Variants in SRRM4 observed in about 807,000 individuals in gnomAD.
SRRM4 encodes serine/arginine repetitive matrix 4, also known as serine/arginine repetitive matrix protein 4.
Under a neutral mutation model 68.9 loss-of-function variants are expected in SRRM4, and 33 were observed. That is an observed-to-expected ratio of 0.48 (90% CI 0.36 to 0.64). The LOEUF is 0.64. Among genes scored for constraint, SRRM4 ranks in the 30% least tolerant of loss-of-function variants. The pLI, the probability that SRRM4 is intolerant of heterozygous loss-of-function variation, is 0.00. For missense variants in SRRM4, 817 were observed against 827.1 expected, an observed-to-expected ratio of 0.99 and a Z score of 0.15; for synonymous variants, 318 against 318.8, an observed-to-expected ratio of 1.00 and a Z score of 0.03.
chr12:119,118,273 T>C (rs59156247), intron 4 of SRRM4, among the ~76,000 whole-genome samples: 2,537 of 152,354 alleles, frequency 0.017, 71 homozygotes, highest in African/African-American at 0.058. Flanking sequence ...GAGTGATTTA[T>C]ATATTACTTT....
intron 1 of SRRM4, among the ~76,000 whole-genome samples, chr12:119,046,023 C>A (rs1053434073): frequency 2.0e-5 from 3 of 151,658 alleles, no homozygotes; most frequent in Non-Finnish European, 2.9e-5. Flanking sequence ...GGCGACAGAG[C>A]GAGATTCCAT....
At chr12:119,039,447 T>C (rs1444812419) in intron 1 of SRRM4, among the ~76,000 whole-genome samples, 2 of 151,186 alleles carry the variant, frequency 1.3e-5, no homozygotes, top group Non-Finnish European at 2.9e-5. Context: ...TTCACATTTT[T>C]CCACTAGCAT....
At position 119,023,859 on chromosome 12, in the gene SRRM4, T is replaced by A. The variant is rs1188794130; in HGVS notation, c.131+41846T>A. On this transcript the variant is annotated intron_variant, in intron 1 of 12. Coordinates refer to ENST00000267260, the MANE Select transcript of SRRM4 (RefSeq NM_194286.4). ...GGTGCTCAATACGTATTCCAATAGATAAATACTGTTCCTCAGCCAAATATT... is the reference window on the plus strand; with the variant it reads ...GGTGCTCAATACGTATTCCAATAGAAAAATACTGTTCCTCAGCCAAATATT... Among the ~76,000 whole-genome samples, 3 of 152,150 alleles carry A rather than the reference T, an allele frequency of 2.0e-5. No individual in the cohort carries two copies. The East Asian group carries it at 5.8e-4, about 29-fold the overall frequency.
chr12:119,038,962 C>T (rs1953647550), intron 1 of SRRM4, among the ~76,000 whole-genome samples: 1 of 152,226 alleles, frequency 6.6e-6, no homozygotes, highest in African/African-American at 2.4e-5. Context: ...GGAACACCAC[C>T]TACTAAGAGC....
At chr12:119,091,575 G>T (rs545971275) in intron 1 of SRRM4, among the ~76,000 whole-genome samples, 1 of 152,174 alleles carries the variant, frequency 6.6e-6, no homozygotes, top group Non-Finnish European at 1.5e-5. Context: ...ACCACCATGT[G>T]CCAGATACTA....
intron 1 of SRRM4, among the ~76,000 whole-genome samples, chr12:118,982,716 T>G: frequency 6.7e-6 from 1 of 148,610 alleles, no homozygotes. Context: ...TCTGATTGCT[T>G]TGAACTCAGG....
intron 1 of SRRM4, among the ~76,000 whole-genome samples, chr12:119,098,196 C>A (rs1185220139): frequency 6.6e-6 from 1 of 152,302 alleles, no homozygotes; most frequent in East Asian, 1.9e-4. Flanking sequence ...CACCAGCTTG[C>A]CAGCCATATG....
At chr12:119,025,279 G>A (rs191237858) in intron 1 of SRRM4, among the ~76,000 whole-genome samples, 1 of 152,212 alleles carries the variant, frequency 6.6e-6, no homozygotes, top group East Asian at 1.9e-4. Context: ...AGGGGAGGCT[G>A]TCTGCATTTC....
At chr12:119,075,140 A>G (rs930850003) in intron 1 of SRRM4, among the ~76,000 whole-genome samples, 1 of 152,140 alleles carries the variant, frequency 6.6e-6, no homozygotes, top group Non-Finnish European at 1.5e-5. Flanking sequence ...CCTAAGCTCC[A>G]ATTGAAATAA....
intron 10 of SRRM4, among the ~76,000 whole-genome samples, chr12:119,151,963 C>T (rs1954442176): frequency 6.6e-6 from 1 of 152,168 alleles, no homozygotes; most frequent in Non-Finnish European, 1.5e-5. Context: ...AGTCACATTG[C>T]AGGGGATGTG....
At chr12:119,130,263 G>C (rs890731572) in intron 7 of SRRM4, among the ~76,000 whole-genome samples, 1 of 151,616 alleles carries the variant, frequency 6.6e-6, no homozygotes, top group African/African-American at 2.4e-5. Context: ...TGGATGGTTA[G>C]ATGGCTGGAT....
At chr12:119,067,721 T>TAAATAA (rs547930690) in intron 1 of SRRM4, among the ~76,000 whole-genome samples, 4 of 151,536 alleles carry the variant, frequency 2.6e-5, no homozygotes, top group African/African-American at 7.3e-5. Context: ...AATAAATAAA[T>TAAATAA]AAATAAAAAT....
At chr12:118,996,553 T>A (rs1381667862) in intron 1 of SRRM4, among the ~76,000 whole-genome samples, 3 of 152,218 alleles carry the variant, frequency 2.0e-5, no homozygotes, top group Admixed American at 2.0e-4. Context: ...TAAAGTGACT[T>A]GCCCAAGGTC....
At chr12:119,012,687 G>A (rs1953457844) in intron 1 of SRRM4, among the ~76,000 whole-genome samples, 1 of 152,054 alleles carries the variant, frequency 6.6e-6, no homozygotes, top group Non-Finnish European at 1.5e-5. Context: ...AGCCACATGT[G>A]GTCTCTATCC....
intron 1 of SRRM4, among the ~76,000 whole-genome samples, chr12:119,088,432 G>A (rs573616212): frequency 1.3e-5 from 2 of 152,112 alleles, no homozygotes; most frequent in Admixed American, 1.3e-4. Context: ...TGAAGTTACT[G>A]AGCCTCCTTC....
At chr12:119,035,508 G>C (rs1156486692) in intron 1 of SRRM4, among the ~76,000 whole-genome samples, 1 of 151,874 alleles carries the variant, frequency 6.6e-6, no homozygotes, top group African/African-American at 2.4e-5. Flanking sequence ...TACAATTTTG[G>C]GTGTTGTGAA....
Position 119,154,150 on chromosome 12 carries a change from G to A in SRRM4, c.1392-93G>A. On this transcript the variant is annotated intron_variant, in intron 11 of 12. Transcript: ENST00000267260. The surrounding 1 kb of genome is among the most constrained non-coding windows in gnomAD (Gnocchi z 4.7). The stretch of plus-strand genomic sequence containing the variant: ...CAGACCCCATCCCGTGACCCAGTGG[G>A]GTGGGAAAGAAAGGGAGTGTCCCTC... The A allele has an allele frequency of 2.5e-6, 3 of 1,202,086 alleles. No individual in the cohort carries two copies. The highest frequency in any genetic ancestry group is 3.0e-5 in the African/African-American group (2 of 66,098). 74.5% of individuals were successfully genotyped at this position (1,202,086 alleles called of 1,614,324 possible). A position where few individuals can be genotyped will look rare whatever the true frequency, so the allele number is the denominator to read the frequency against.
intron 7 of SRRM4, among the ~76,000 whole-genome samples, chr12:119,126,222 C>T (rs1175354434): frequency 6.6e-6 from 1 of 151,716 alleles, no homozygotes; most frequent in Admixed American, 6.6e-5. Context: ...CAGGGTTTCA[C>T]CGTGTTGGCC....
In SRRM4 at chr12:119,089,235, CAA is replaced by C. The variant is rs143373268; in HGVS notation, c.132-13000_132-12999del. Among the ~76,000 whole-genome samples, 113 of 152,242 alleles carry C rather than the reference CAA, an allele frequency of 7.4e-4. No homozygotes were observed. In the East Asian group the frequency reaches 8.1e-3, roughly 11 times the overall value. ...TTTGCCGAAACCCACCGCACCACCCCAAGTCCTTTTGGAGCCACGGGGAACCC... is the reference window on the plus strand; with the variant it reads ...TTTGCCGAAACCCACCGCACCACCCCGTCCTTTTGGAGCCACGGGGAACCC... On this transcript the variant is annotated intron_variant, in intron 1 of 12. Transcript: ENST00000267260.
Sources: allele counts gnomAD v4.1 joint callset (sites outside exome capture counted in the v4.1 genomes callset), GRCh38; gene constraint gnomAD v4.1.1; non-coding constraint Gnocchi (gnomAD v3.1); transcripts MANE v1.5; gene names NCBI Gene and HGNC (gene_info 2026-07-23, HGNC 2026-07-21).